MDM4: variants seen among roughly 807,000 people sequenced by gnomAD.
The protein encoded by MDM4 is MDM4 regulator of p53, also known as protein Mdm4.
In MDM4, 2 loss-of-function variants were observed where a neutral mutation model predicts 60.2. That is an observed-to-expected ratio of 0.03 (90% CI 0.01 to 0.10). MDM4 has a LOEUF of 0.10. Ranked by LOEUF, MDM4 falls within the 10% of genes least tolerant of loss-of-function variation. The probability of loss-of-function intolerance (pLI) is 1.00; values close to 1 mark genes in which losing one functional copy is unlikely to be tolerated. For missense variants in MDM4, 447 were observed against 577.5 expected (o/e 0.77, Z 2.32); for synonymous variants, 202 against 198.1 (o/e 1.02, Z -0.17).
At chr1:204,529,320 A>G in intron 3 of MDM4, 1 of 774,968 alleles carries the variant, frequency 1.3e-6, no homozygotes, top group South Asian at 1.4e-5. Context: ...GATCAGAGTC[A>G]CCGACTGGAA....
chr1:204,541,442 C>T (rs1662071035), intron 7 of MDM4, among the ~76,000 whole-genome samples: 1 of 152,074 alleles, frequency 6.6e-6, no homozygotes. Context: ...AATATCATGT[C>T]ACTGCACTCC....
rs367866274 is a variant in MDM4, at chr1:204,557,637, G to A, written c.*7955G>A. The A allele has an allele frequency of 4.0e-5, 7 of 176,354 alleles. No individual in the cohort carries two copies. The highest frequency in any genetic ancestry group is 3.9e-4 in the East Asian group (4 of 10,268). 10.9% of individuals were successfully genotyped at this position (176,354 alleles called of 1,614,324 possible). A position where few individuals can be genotyped will look rare whatever the true frequency, so the allele number is the denominator to read the frequency against. ...GGCTGGTCTTGAACTCCTGACCTCA[G>A]GCGATCTGCCCGCCTTGGCCTCCCA... is the stretch of plus-strand genomic sequence containing the variant. On this transcript the variant is annotated 3_prime_UTR_variant, in exon 11 of 11. Coordinates refer to ENST00000367182, the MANE Select transcript of MDM4 (RefSeq NM_002393.5).
chr1:204,531,534 C>T (rs1660854090), intron 4 of MDM4, among the ~76,000 whole-genome samples: 1 of 152,156 alleles, frequency 6.6e-6, no homozygotes, highest in South Asian at 2.1e-4. Context: ...CTGTCTTACA[C>T]TAAGACTTCC....
At position 204,556,271 on chromosome 1, in the gene MDM4, CAG is replaced by C. The variant is rs1663531975; in HGVS notation, c.*6592_*6593del. On this transcript the variant is annotated 3_prime_UTR_variant, in exon 11 of 11. Coordinates refer to ENST00000367182, the MANE Select transcript of MDM4 (RefSeq NM_002393.5). ...TCAGTCCTGGGAAATGTTTCTGTTG[CAG>C]AGTTAGGCGGTAGATGGGAAGCTGT... The C allele has an allele frequency of 8.8e-6, 2 of 226,248 alleles. No individual in the cohort carries two copies. Among genetic ancestry groups the C allele is most frequent in the African/African-American group, 2.2e-5 (1 of 44,910 alleles). The allele number at this position is 226,248 out of a possible 1,614,324, so 14.0% of individuals were successfully genotyped here. A position where few individuals can be genotyped will look rare whatever the true frequency, so the allele number is the denominator to read the frequency against.
At position 204,542,796 on chromosome 1, in the gene MDM4, T is replaced by A. The variant is rs4252716; in HGVS notation, c.524T>A (p.Ile175Asn). Residue 175 changes from isoleucine to asparagine, a missense_variant, in exon 8 of 11, where the codon ATT (isoleucine) becomes AAT (asparagine). Transcript: ENST00000367182. ...TTGACTTCTATAGATGAAGACTTAA[T>A]TGAAAATTTAGCCCAAGATGAAACA... ...CIHSREDEDL[I>N]ENLAQDETSR... The A allele has an allele frequency of 6.2e-7, 1 of 1,611,408 alleles. No individual in the cohort carries two copies. Among genetic ancestry groups the A allele is most frequent in the Non-Finnish European group, 8.5e-7 (1 of 1,178,822 alleles).
At chr1:204,519,272 G>A (rs1659310091) in intron 1 of MDM4, among the ~76,000 whole-genome samples, 1 of 152,168 alleles carries the variant, frequency 6.6e-6, no homozygotes, top group Non-Finnish European at 1.5e-5. Context: ...GCTGGGCCAA[G>A]GTGGGCGGAT....
intron 2 of MDM4, 99 bp from the exon 3 acceptor site, chr1:204,526,261 A>G (rs1572460301): frequency 9.4e-7 from 1 of 1,061,088 alleles, no homozygotes; most frequent in Non-Finnish European, 1.4e-6. Flanking sequence ...GCCTCAAAAA[A>G]CAAAAGCGGG....
In MDM4 at chr1:204,551,326, C is replaced by T. The variant is rs1163406898; in HGVS notation, c.*1644C>T. The stretch of plus-strand genomic sequence containing the variant: ...CTCTCAAAGTGCTAGGATTGCAGTC[C>T]TGAGCTACTGCCCCCTACCCTCTTT... On this transcript the variant is annotated 3_prime_UTR_variant, in exon 11 of 11. Transcript: ENST00000367182. 4.3e-6 allele frequency: 1 copy of T among 231,272 alleles called. No individual in the cohort carries two copies. The highest frequency in any genetic ancestry group is 2.2e-5 in the African/African-American group (1 of 45,172). The allele number at this position is 231,272 out of a possible 1,614,324, so 14.3% of individuals were successfully genotyped here.
At position 204,549,304 on chromosome 1, in the gene MDM4, C is replaced by T. The variant is rs773493604; in HGVS notation, c.1095C>T (p.Thr365=). The part of the protein sequence containing the change: ...EGNDVPDCRR[T]ISAPVVRPKD... The stretch of plus-strand genomic sequence containing the variant: ...ATGATGTCCCTGATTGTCGAAGAAC[C>T]ATTTCGGCTCCTGTCGTTAGACCTA... Residue 365 remains threonine (T), a synonymous_variant, in exon 11 of 11, where the codon ACC becomes ACT. Coordinates refer to ENST00000367182, the MANE Select transcript of MDM4 (RefSeq NM_002393.5). The T allele has an allele frequency of 1.4e-5, 22 of 1,613,986 alleles. No homozygotes were observed. In the Admixed American group the frequency reaches 3.5e-4, roughly 26 times the overall value.
Position 204,551,901 on chromosome 1 carries a change from C to T in MDM4, c.*2219C>T, listed in dbSNP as rs1663238185. 1 of 191,990 alleles carries T rather than the reference C, an allele frequency of 5.2e-6. No homozygotes were observed. The highest frequency in any genetic ancestry group is 6.2e-5 in the Admixed American group (1 of 16,244). 11.9% of individuals were successfully genotyped at this position (191,990 alleles called of 1,614,324 possible). On this transcript the variant is annotated 3_prime_UTR_variant, in exon 11 of 11. Transcript: ENST00000367182. ...TAGACAGGGGTGTCCAATCTTTTGG[C>T]TTCCCTGGTCCACAATGGAAGAAGA...
chr1:204,536,121 G>T (rs915613495), intron 5 of MDM4, among the ~76,000 whole-genome samples: 3 of 152,060 alleles, frequency 2.0e-5, no homozygotes, highest in East Asian at 1.9e-4. Flanking sequence ...TTAGTCAGGC[G>T]TGCGCCTATA....
intron 1 of MDM4, among the ~76,000 whole-genome samples, chr1:204,517,989 C>A (rs187500851): frequency 6.4e-4 from 97 of 152,054 alleles, no homozygotes; most frequent in South Asian, 1.0e-3. Context: ...AACTGAGCCC[C>A]ATCTCTGCAA....
rs151279066 is a variant in MDM4 at position 204,556,632 on chromosome 1, G to A, written c.*6950G>A. 2.3e-3 allele frequency: 477 copies of A among 203,920 alleles called. 2 individuals are homozygous for A. The highest frequency in any genetic ancestry group is 0.01 in the African/African-American group (451 of 43,820). The allele number at this position is 203,920 out of a possible 1,614,324, so 12.6% of individuals were successfully genotyped here. A position where few individuals can be genotyped will look rare whatever the true frequency, so the allele number is the denominator to read the frequency against. On this transcript the variant is annotated 3_prime_UTR_variant, in exon 11 of 11. Coordinates refer to ENST00000367182, the MANE Select transcript of MDM4 (RefSeq NM_002393.5). ...GATCGCTTGAGCCTGGGAGGTGGAG[G>A]TTGCAGTGAGCTGAGATGGCACCAC...
intron 3 of MDM4, among the ~76,000 whole-genome samples, chr1:204,528,620 C>T (rs2102338642): frequency 6.6e-6 from 1 of 152,342 alleles, no homozygotes; most frequent in East Asian, 1.9e-4. Context: ...AGCTTTCATC[C>T]TCTCCTTCAT....
At chr1:204,541,720 A>G (rs749810627) in intron 7 of MDM4, among the ~76,000 whole-genome samples, 2 of 152,174 alleles carry the variant, frequency 1.3e-5, no homozygotes, top group Non-Finnish European at 2.9e-5. Context: ...TTGGCTTCTG[A>G]TAGTTTCAAT....
At position 204,539,064 on chromosome 1, in the gene MDM4, T is replaced by C. The variant is rs147963200; in HGVS notation, c.511+756T>C. Among the ~76,000 whole-genome samples the C allele has an allele frequency of 5.3e-3, 811 of 152,164 alleles. 5 individuals carry two copies. The highest frequency in any genetic ancestry group is 0.018 in the African/African-American group (765 of 41,512). ...TTGTATTTTTAGTAGAGATGGGGTT[T>C]CCCCACGTTGGTTAGGCTGGTCTCC... On this transcript the variant is annotated intron_variant, in intron 7 of 10. Transcript: ENST00000367182.
rs1483166484 is a variant in MDM4 at position 204,549,968 on chromosome 1, C to A, written c.*286C>A. 6.6e-6 allele frequency: 2 copies of A among 303,214 alleles called. No homozygotes were observed. Among genetic ancestry groups the A allele is most frequent in the Non-Finnish European group, 1.2e-5 (2 of 164,384 alleles). The allele number at this position is 303,214 out of a possible 1,614,324, so 18.8% of individuals were successfully genotyped here. ...AAGAGATTTCTTCCATGCACATTTACAATATTGAGGTATAATTAACATGAT... is the reference window on the plus strand; with the variant it reads ...AAGAGATTTCTTCCATGCACATTTAAAATATTGAGGTATAATTAACATGAT... On this transcript the variant is annotated 3_prime_UTR_variant, in exon 11 of 11. Transcript: ENST00000367182.
chr1:204,526,309 C>A (rs200506587), intron 2 of MDM4, 51 bp from the exon 3 acceptor site: 1 of 1,495,248 alleles, frequency 6.7e-7, no homozygotes, highest in East Asian at 2.3e-5. Flanking sequence ...TCCATAGTTT[C>A]AGAAACCTAC....
In MDM4 at chr1:204,557,558, A is replaced by T. The variant is rs1377347966; in HGVS notation, c.*7876A>T. 1.2e-5 allele frequency: 2 copies of T among 171,268 alleles called. No individual in the cohort carries two copies. The highest frequency in any genetic ancestry group is 1.3e-5 in the Non-Finnish European group (1 of 79,124). 10.6% of individuals were successfully genotyped at this position (171,268 alleles called of 1,614,324 possible). ...GCTGGGACTACAGGCGTGCACCACC[A>T]CACCTGGCTAATTTTGTATTTTTAG... On this transcript the variant is annotated 3_prime_UTR_variant, in exon 11 of 11. Transcript: ENST00000367182.
Sources: gnomAD v4.1 joint callset for allele counts (sites outside exome capture counted in the v4.1 genomes callset) on GRCh38, gnomAD v4.1.1 for gene constraint, MANE v1.5 for transcripts, NCBI Gene and HGNC (gene_info 2026-07-23, HGNC 2026-07-21) for gene names.